The following ARL6IP1 variants were observed in gnomAD, a reference collection of about 807,000 sequenced individuals.
The protein encoded by ARL6IP1 is ADP-ribosylation factor-like protein 6-interacting protein 1.
Under a neutral mutation model 30.1 loss-of-function variants are expected in ARL6IP1, and 16 were observed. The ratio of observed to expected loss-of-function variants is 0.53; its 90% CI spans 0.36 to 0.81. The LOEUF (loss-of-function observed/expected upper bound fraction) is 0.81, where lower values mean the gene tolerates loss of function less well. ARL6IP1 is among the 30% of genes least tolerant of loss of function. The probability of loss-of-function intolerance (pLI) is 0.01; values close to 1 mark genes in which losing one functional copy is unlikely to be tolerated. For missense variants in ARL6IP1, 173 were observed against 242.7 expected (o/e 0.71, Z 1.91); for synonymous variants, 72 against 84.8 (o/e 0.85, Z 0.83).
intron 1 of ARL6IP1, among the ~76,000 whole-genome samples, chr16:18,799,888 A>T (rs1168425710): frequency 1.3e-5 from 2 of 152,176 alleles, no homozygotes; most frequent in African/African-American, 4.8e-5. Flanking sequence ...AGGAAGAAAA[A>T]TTTAGAATAA....
In ARL6IP1 at chr16:18,797,931, T is replaced by C. The variant is rs748481305; in HGVS notation, c.284A>G (p.Asn95Ser). The change falls in exon 3 of 6, where the codon AAT becomes AGT. Residue 95 changes from asparagine to serine, a missense_variant. Asn to Ser is a conservative substitution (Grantham distance 46). Transcript: ENST00000304414. Reference sequence around the variant, plus strand: ...AAATCATTATGCTACCTACCATTTATTGGAGCCAAAAATTCTAGGCGCTAG... The same window carrying C: ...AAATCATTATGCTACCTACCATTTACTGGAGCCAAAAATTCTAGGCGCTAG... ...PILAPRIFGS[N>S]KWTTEQQQRF... The C allele has an allele frequency of 1.9e-5, 30 of 1,610,054 alleles. No homozygotes were observed. Among genetic ancestry groups the C allele is most frequent in the Non-Finnish European group, 2.3e-5 (27 of 1,179,034 alleles).
intron 4 of ARL6IP1, chr16:18,795,200 GCTTT>G (rs946379122): frequency 3.3e-5 from 10 of 306,898 alleles, no homozygotes; most frequent in Admixed American, 2.3e-4. Context: ...CTAAACAGAT[GCTTT>G]CTAAGTATAT....
At chr16:18,794,745 TTTTA>T (rs1232213469) in intron 4 of ARL6IP1, 62 bp from the exon 5 acceptor site, 27 of 1,185,682 alleles carry the variant, frequency 2.3e-5, no homozygotes, top group Non-Finnish European at 3.0e-5. Flanking sequence ...TATATGTAAT[TTTTA>T]TTTGTCAATT....
At chr16:18,798,113 TAACTA>T (rs1422709449) in intron 2 of ARL6IP1, 69 bp from the exon 3 acceptor site, 23 of 1,405,686 alleles carry the variant, frequency 1.6e-5, no homozygotes, top group Admixed American at 1.2e-4. Flanking sequence ...ATGTCTAACT[TAACTA>T]TTCACTTAAC....
At position 18,797,921 on chromosome 16, in the gene ARL6IP1, C is replaced by G; in HGVS notation, c.290+4G>C. On this transcript the variant is annotated splice_donor_region_variant and intron_variant, in intron 3 of 5. Coordinates refer to ENST00000304414, the MANE Select transcript of ARL6IP1 (RefSeq NM_015161.3). The stretch of plus-strand genomic sequence containing the variant: ...TGAGACTGCCAAATCATTATGCTAC[C>G]TACCATTTATTGGAGCCAAAAATTC... 6.2e-7 allele frequency: 1 copy of G among 1,609,754 alleles called. No homozygotes were observed. The highest frequency in any genetic ancestry group is 1.1e-5 in the South Asian group (1 of 89,940).
chr16:18,795,710 T>C (rs1315174948), intron 3 of ARL6IP1, 129 bp from the exon 4 acceptor site: 10 of 644,322 alleles, frequency 1.6e-5, no homozygotes, highest in Admixed American at 3.0e-5. Context: ...CATTATCTTA[T>C]GTAGGTGAAA....
At chr16:18,800,396 C>G (rs1465943954) in intron 1 of ARL6IP1, among the ~76,000 whole-genome samples, 2 of 152,186 alleles carry the variant, frequency 1.3e-5, no homozygotes, top group African/African-American at 4.8e-5. Flanking sequence ...AGCAGGAGCT[C>G]TAGCCCAGGA....
rs571679596 is a variant in ARL6IP1 at position 18,801,525 on chromosome 16, G to C, written c.-59C>G. On this transcript the variant is annotated 5_prime_UTR_variant, in exon 1 of 6. Transcript: ENST00000304414. ...CACCTCCCCAACGAGTCCTCCAACC[G>C]AAACCCGCACACCAACCACAACCCG... is the stretch of plus-strand genomic sequence containing the variant. 2 of 1,593,116 alleles carry C rather than the reference G, an allele frequency of 1.3e-6. No individual in the cohort carries two copies. The highest frequency in any genetic ancestry group is 2.3e-5 in the South Asian group (2 of 88,026).
chr16:18,795,016 C>CTTT (rs35734251), intron 4 of ARL6IP1, among the ~76,000 whole-genome samples: 7 of 133,274 alleles, frequency 5.3e-5, no homozygotes, highest in African/African-American at 8.2e-5. Flanking sequence ...AGATGCTTTC[C>CTTT]TTTTTTTTTT....
intron 3 of ARL6IP1, among the ~76,000 whole-genome samples, chr16:18,797,221 TA>T (rs11316570): frequency 0.6 from 87,561 of 145,130 alleles, 26,932 homozygotes; most frequent in African/African-American, 0.79. Context: ...CTACTAAAAA[TA>T]AAAAAAAAAA....
At chr16:18,798,571 CATTCTTTATGG>C in intron 2 of ARL6IP1, 119 bp downstream of exon 2, 1 of 1,018,178 alleles carries the variant, frequency 9.8e-7, no homozygotes, top group Admixed American at 3.4e-5. Flanking sequence ...TTATGAGAAA[CATTCTTTATGG>C]GTTCTTTATG....
At chr16:18,797,381 CAAA>C (rs58429351) in intron 3 of ARL6IP1, among the ~76,000 whole-genome samples, 2 of 82,702 alleles carry the variant, frequency 2.4e-5, no homozygotes, top group Non-Finnish European at 2.4e-5. Context: ...GCCTCCATCT[CAAA>C]AAAAAAAAAA....
chr16:18,801,519 C>G lies in ARL6IP1; in HGVS notation c.-53G>C. On this transcript the variant is annotated 5_prime_UTR_variant, in exon 1 of 6. Transcript: ENST00000304414. ...GCAGGCCACCTCCCCAACGAGTCCT[C>G]CAACCGAAACCCGCACACCAACCAC... is the stretch of plus-strand genomic sequence containing the variant. 6.3e-7 allele frequency: 1 copy of G among 1,596,984 alleles called. No homozygotes were observed. Among genetic ancestry groups the G allele is most frequent in the Non-Finnish European group, 8.5e-7 (1 of 1,172,988 alleles).
chr16:18,801,194 C>T, intron 1 of ARL6IP1: 2 of 1,409,278 alleles, frequency 1.4e-6, no homozygotes, highest in Non-Finnish European at 1.8e-6. Flanking sequence ...CTCCTCGACT[C>T]CTACTCGCGG....
At chr16:18,798,914 G>T in intron 1 of ARL6IP1, 80 bp from the exon 2 acceptor site, 1 of 1,395,348 alleles carries the variant, frequency 7.2e-7, no homozygotes, top group Non-Finnish European at 9.5e-7. Flanking sequence ...TTATTTTAAA[G>T]CTCCAAATAC....
rs2030128560 is a variant in ARL6IP1, at chr16:18,793,385, A to T, written c.494-15T>A. 6.7e-7 allele frequency: 1 copy of T among 1,492,720 alleles called. No homozygotes were observed. The highest frequency in any genetic ancestry group is 9.2e-7 in the Non-Finnish European group (1 of 1,091,344). The allele number at this position is 1,492,720 out of a possible 1,614,324, so 92.5% of individuals were successfully genotyped here. A position where few individuals can be genotyped will look rare whatever the true frequency, so the allele number is the denominator to read the frequency against. On this transcript the variant is annotated splice_polypyrimidine_tract_variant and intron_variant, in intron 5 of 5. Coordinates refer to ENST00000304414, the MANE Select transcript of ARL6IP1 (RefSeq NM_015161.3). The stretch of plus-strand genomic sequence containing the variant: ...TAAGGAAGTCACTTAAAATAAAAAA[A>T]AACCCAACATTAAGGAGGCAGCAAT...
intron 5 of ARL6IP1, 38 bp downstream of exon 5, chr16:18,794,561 G>A: frequency 6.0e-6 from 9 of 1,507,406 alleles, no homozygotes; most frequent in Admixed American, 1.7e-5. Context: ...AAATTTCACT[G>A]GCCAGGATGT....
chr16:18,799,103 T>A (rs1343655607), intron 1 of ARL6IP1, among the ~76,000 whole-genome samples: 1 of 151,542 alleles, frequency 6.6e-6, no homozygotes, highest in Admixed American at 6.6e-5. Flanking sequence ...CACTGCAGCC[T>A]CCGCCTCCTG....
In ARL6IP1 at chr16:18,801,493, C is replaced by A; in HGVS notation, c.-27G>T. 6.2e-7 allele frequency: 1 copy of A among 1,609,842 alleles called. No individual in the cohort carries two copies. Reference sequence around the variant, plus strand: ...GTCTCGGGGATGCAGTCTCTACAAGCGCAGGCCACCTCCCCAACGAGTCCT... The same window carrying A: ...GTCTCGGGGATGCAGTCTCTACAAGAGCAGGCCACCTCCCCAACGAGTCCT... On this transcript the variant is annotated 5_prime_UTR_variant, in exon 1 of 6. Coordinates refer to ENST00000304414, the MANE Select transcript of ARL6IP1 (RefSeq NM_015161.3).
Sources: gnomAD v4.1 joint callset for allele counts (sites outside exome capture counted in the v4.1 genomes callset) on GRCh38, gnomAD v4.1.1 for gene constraint, MANE v1.5 for transcripts, NCBI Gene and HGNC (gene_info 2026-07-23, HGNC 2026-07-21) for gene names.